Variants in PACRG observed in about 807,000 individuals in gnomAD.
PACRG encodes the protein parkin coregulated, also known as parkin coregulated gene protein.
Under a neutral mutation model 29.7 loss-of-function variants are expected in PACRG, and 29 were observed. The observed-to-expected ratio is 0.98, with a 90% CI of 0.73 to 1.33. PACRG has a LOEUF of 1.33. PACRG is among the 40% of genes most tolerant of loss of function. The probability of loss-of-function intolerance (pLI) is 0.00; values close to 1 mark genes in which losing one functional copy is unlikely to be tolerated. For synonymous variants in PACRG, 116 were observed against 118.7 expected (o/e 0.98, Z 0.15); for missense variants, 279 against 316.2 (o/e 0.88, Z 0.89).
chr6:163,312,381 T>A (rs1194380768), intron 4 of PACRG, among the ~76,000 whole-genome samples: 1 of 152,162 alleles, frequency 6.6e-6, no homozygotes, highest in Non-Finnish European at 1.5e-5. Flanking sequence ...CCCCTGTTGC[T>A]TTTCATCCTG....
chr6:162,757,708 A>AAAATAAAT (rs966956859), intron 1 of PACRG, among the ~76,000 whole-genome samples: 1 of 152,128 alleles, frequency 6.6e-6, no homozygotes, highest in African/African-American at 2.4e-5. Flanking sequence ...CTCTGTCTAA[A>AAAATAAAT]AAATAAATAA....
intron 2 of PACRG, among the ~76,000 whole-genome samples, chr6:162,864,165 C>T (rs551020654): frequency 6.6e-6 from 1 of 152,222 alleles, no homozygotes; most frequent in East Asian, 1.9e-4. Context: ...GTGGTGTGTT[C>T]CCTGTTGACA....
chr6:163,079,117 A>T (rs1812830900), intron 3 of PACRG, among the ~76,000 whole-genome samples: 1 of 152,170 alleles, frequency 6.6e-6, no homozygotes, highest in Non-Finnish European at 1.5e-5. Context: ...CACTGTAAGG[A>T]GTAATGAGAT....
At chr6:163,257,705 A>G (rs539523362) in intron 4 of PACRG, among the ~76,000 whole-genome samples, 1 of 152,304 alleles carries the variant, frequency 6.6e-6, no homozygotes, top group East Asian at 1.9e-4. Context: ...AGATAGATTG[A>G]TTGATGTCAA....
chr6:162,965,695 A>G (rs1562786645), intron 2 of PACRG, among the ~76,000 whole-genome samples: 1 of 152,224 alleles, frequency 6.6e-6, no homozygotes, highest in South Asian at 2.1e-4. Context: ...TGAGGGGAAG[A>G]AGAGTAAGGA....
chr6:163,156,381 T>TG (rs1303003695), intron 4 of PACRG, among the ~76,000 whole-genome samples: 2 of 152,186 alleles, frequency 1.3e-5, no homozygotes, highest in East Asian at 3.9e-4. Flanking sequence ...CAGAGGAGCC[T>TG]GGGGGCCGTT....
chr6:162,828,606 T>C (rs2128388687), intron 2 of PACRG, among the ~76,000 whole-genome samples: 1 of 152,208 alleles, frequency 6.6e-6, no homozygotes, highest in Middle Eastern at 3.4e-3. Context: ...TAAATGGTAA[T>C]AGTATGAAGC....
At chr6:163,023,196 C>G (rs977845989) in intron 2 of PACRG, among the ~76,000 whole-genome samples, 10 of 152,132 alleles carry the variant, frequency 6.6e-5, no homozygotes, top group African/African-American at 2.4e-4. Context: ...GAGCATAATA[C>G]CCGATGGGTA....
chr6:163,125,376 G>A (rs1322277678), intron 4 of PACRG, among the ~76,000 whole-genome samples: 4 of 152,158 alleles, frequency 2.6e-5, no homozygotes, highest in African/African-American at 9.7e-5. Context: ...GTTCTAGGAA[G>A]TATAAGGAAA....
intron 4 of PACRG, among the ~76,000 whole-genome samples, chr6:163,181,746 A>G (rs1305614982): frequency 2.0e-5 from 3 of 151,858 alleles, no homozygotes; most frequent in African/African-American, 7.3e-5. Context: ...ATCATTAACC[A>G]CTTAGTTACT....
At chr6:162,837,981 A>G (rs1253767492) in intron 2 of PACRG, among the ~76,000 whole-genome samples, 1 of 152,176 alleles carries the variant, frequency 6.6e-6, no homozygotes, top group Non-Finnish European at 1.5e-5. Flanking sequence ...GAAATGATAC[A>G]TCATATTTAT....
rs114339342 is a variant in PACRG at position 162,844,646 on chromosome 6, A to G, written c.291+30365A>G. Among the ~76,000 whole-genome samples, 551 of 152,314 alleles carry G rather than the reference A, an allele frequency of 3.6e-3. 3 individuals are homozygous for G. The highest frequency in any genetic ancestry group is 0.013 in the African/African-American group (533 of 41,572). On this transcript the variant is annotated intron_variant, in intron 2 of 4. Transcript: ENST00000366888. ...TTAACATCATTTTTGAGGCTACATAACATTCAGTGACCTGGGTGAATCTTC... is the reference window on the plus strand; with the variant it reads ...TTAACATCATTTTTGAGGCTACATAGCATTCAGTGACCTGGGTGAATCTTC...
At chr6:162,765,944 T>TA (rs1782754616) in intron 1 of PACRG, among the ~76,000 whole-genome samples, 3 of 152,198 alleles carry the variant, frequency 2.0e-5, no homozygotes, top group African/African-American at 7.2e-5. Flanking sequence ...TATTTTTAGT[T>TA]GACAAATAAT....
chr6:163,034,917 G>A (rs1808019042), intron 2 of PACRG, among the ~76,000 whole-genome samples: 1 of 152,222 alleles, frequency 6.6e-6, no homozygotes, highest in South Asian at 2.1e-4. Context: ...TGACAGAGCA[G>A]CCGTGAGGGC....
At chr6:163,019,639 GC>G (rs915840624) in intron 2 of PACRG, among the ~76,000 whole-genome samples, 3 of 152,138 alleles carry the variant, frequency 2.0e-5, no homozygotes, top group African/African-American at 7.2e-5. Context: ...CTCCTCTGCT[GC>G]CTCTAGCACC....
chr6:163,092,309 T>C (rs952933696), intron 4 of PACRG, among the ~76,000 whole-genome samples: 2 of 139,068 alleles, frequency 1.4e-5, no homozygotes, highest in East Asian at 2.6e-4. Context: ...CAGTGGCCCA[T>C]GTGAGGAGCC....
At chr6:163,016,210 T>C (rs1237972818) in intron 2 of PACRG, 2 of 152,206 alleles carry the variant, frequency 1.3e-5, no homozygotes, top group Non-Finnish European at 2.9e-5. Flanking sequence ...AGTTAACTTG[T>C]ATTGCCTGTT....
intron 2 of PACRG, among the ~76,000 whole-genome samples, chr6:162,999,911 C>T (rs750716563): frequency 1.3e-4 from 20 of 152,104 alleles, no homozygotes; most frequent in Non-Finnish European, 1.9e-4. Context: ...TACTTTGGAA[C>T]ATTAATTATG....
At chr6:163,302,950 G>C (rs1389601499) in intron 4 of PACRG, among the ~76,000 whole-genome samples, 6 of 152,164 alleles carry the variant, frequency 3.9e-5, no homozygotes, top group Admixed American at 3.9e-4. Flanking sequence ...CACTGGGATG[G>C]CTATGCAAAG....
Sources: allele counts gnomAD v4.1 joint callset (sites outside exome capture counted in the v4.1 genomes callset), GRCh38; gene constraint gnomAD v4.1.1; transcripts MANE v1.5; gene names NCBI Gene and HGNC (gene_info 2026-07-23, HGNC 2026-07-21).